The following TBCD variants were observed in gnomAD, a reference collection of about 807,000 sequenced individuals.
TBCD encodes tubulin folding cofactor D.
A neutral mutation model predicts 169.3 loss-of-function variants in TBCD; 105 were observed. The ratio of observed to expected loss-of-function variants is 0.62; its 90% CI spans 0.53 to 0.73. TBCD has a LOEUF of 0.73. Ranked by LOEUF, TBCD falls within the 30% of genes least tolerant of loss-of-function variation. The probability of loss-of-function intolerance (pLI) is 0.00; values close to 1 mark genes in which losing one functional copy is unlikely to be tolerated. For synonymous variants in TBCD, 700 were observed against 643.9 expected, an observed-to-expected ratio of 1.09 and a Z score of -1.32; for missense variants, 1,444 against 1,600.1, an observed-to-expected ratio of 0.90 and a Z score of 1.66.
intron 33 of TBCD, among the ~76,000 whole-genome samples, chr17:82,932,377 T>G (rs1030837061): frequency 6.6e-6 from 1 of 152,224 alleles, no homozygotes; most frequent in Non-Finnish European, 1.5e-5. Flanking sequence ...TGGGTTTACT[T>G]TGGACTCTCC....
chr17:82,781,555 C>A, intron 6 of TBCD, 34 bp from the exon 7 acceptor site: 1 of 1,611,652 alleles, frequency 6.2e-7, no homozygotes. Flanking sequence ...GGTCTCAGTG[C>A]TGAGGCCTTG....
chr17:82,756,331 C>A, intron 2 of TBCD, 116 bp downstream of exon 2: 1 of 1,098,632 alleles, frequency 9.1e-7, no homozygotes, highest in Non-Finnish European at 1.3e-6. Context: ...AGAAGTGTCC[C>A]TGTCTTGCTT....
chr17:82,787,699 G>A (rs537158749), intron 7 of TBCD, among the ~76,000 whole-genome samples: 5 of 152,352 alleles, frequency 3.3e-5, no homozygotes, highest in East Asian at 3.9e-4. Flanking sequence ...TACTGTGGGC[G>A]AAACAGGTGA....
Position 82,945,606 on chromosome 17 carries a change from T to C in TBCD, c.*3143T>C, listed in dbSNP as rs2063645226. 1 of 152,248 alleles carries C rather than the reference T, an allele frequency of 6.6e-6. No homozygotes were observed. Among genetic ancestry groups the C allele is most frequent in the African/African-American group, 2.4e-5 (1 of 41,466 alleles). The allele number at this position is 152,248 out of a possible 1,614,324, so 9.4% of individuals were successfully genotyped here. A position where few individuals can be genotyped will look rare whatever the true frequency, so the allele number is the denominator to read the frequency against. On this transcript the variant is annotated 3_prime_UTR_variant, in exon 39 of 39. Transcript: ENST00000355528. The stretch of plus-strand genomic sequence containing the variant: ...AAATTAAGTCATTTAGATAAAAATA[T>C]GCCATTCTTATCTGTTTGGTTTTTT...
intron 23 of TBCD, among the ~76,000 whole-genome samples, chr17:82,919,391 CCA>C (rs1227918751): frequency 6.6e-6 from 1 of 152,040 alleles, no homozygotes; most frequent in Non-Finnish European, 1.5e-5. Flanking sequence ...GAAGAATAGA[CCA>C]TGTGTAGGTT....
At chr17:82,838,817 C>G (rs544716967) in intron 13 of TBCD, 3 of 985,250 alleles carry the variant, frequency 3.0e-6, no homozygotes, top group Admixed American at 6.2e-5. Context: ...CAGGAGATCC[C>G]GAGTTACAGA....
intron 18 of TBCD, among the ~76,000 whole-genome samples, chr17:82,902,401 G>A (rs1018354929): frequency 2.3e-4 from 35 of 152,242 alleles, no homozygotes; most frequent in African/African-American, 7.5e-4. Context: ...CTGGGCTTGC[G>A]GCTGCAGACT....
At chr17:82,840,614 CCCGACACCAGGCACCGCAAGAG>C (rs1280258569) in intron 13 of TBCD, 1 of 152,270 alleles carries the variant, frequency 6.6e-6, no homozygotes, top group African/African-American at 2.4e-5. Context: ...CCGGAGCTTG[CCCGACACCAGGCACCGCAAGAG>C]CTGCGGAGCA....
chr17:82,865,482 G>C (rs968597057), intron 13 of TBCD: 27 of 985,350 alleles, frequency 2.7e-5, no homozygotes, highest in Non-Finnish European at 3.3e-5. Flanking sequence ...CTATGTGGGA[G>C]GTGCCCACGT....
chr17:82,877,717 A>C lies in TBCD; in HGVS notation c.1476-6428A>C, dbSNP rs559376169. On this transcript the variant is annotated intron_variant, in intron 14 of 38. Coordinates refer to ENST00000355528, the MANE Select transcript of TBCD (RefSeq NM_005993.5). The stretch of plus-strand genomic sequence containing the variant: ...GTTTAATGATTTCTAAGATATCATT[A>C]ACAAAAGCCATTATGATGTATTGAA... Among the ~76,000 whole-genome samples, 9 of 152,364 alleles carry C rather than the reference A, an allele frequency of 5.9e-5. No individual in the cohort carries two copies. In the South Asian group the frequency reaches 1.9e-3, roughly 32 times the overall value.
chr17:82,906,025 T>C lies in TBCD; in HGVS notation c.1894T>C (p.Leu632=). 1.2e-6 allele frequency: 2 copies of C among 1,610,166 alleles called. No individual in the cohort carries two copies. The highest frequency in any genetic ancestry group is 8.5e-7 in the Non-Finnish European group (1 of 1,178,240). The change falls in exon 20 of 39, where the codon TTG becomes CTG. Residue 632 remains leucine, a synonymous_variant. Transcript: ENST00000355528. Reference sequence around the variant, plus strand: ...CGCCTGCGCAGAAGTTGCTTACGCCTTGTACAAACTTGCAGCCCAAGAGAA... The same window carrying C: ...CGCCTGCGCAGAAGTTGCTTACGCCCTGTACAAACTTGCAGCCCAAGAGAA... The part of the protein sequence containing the change: ...ILACAEVAYA[L]YKLAAQENRP...
intron 14 of TBCD, among the ~76,000 whole-genome samples, chr17:82,877,623 A>C (rs2058061883): frequency 6.6e-6 from 1 of 152,226 alleles, no homozygotes; most frequent in African/African-American, 2.4e-5. Context: ...TACAGGCGTG[A>C]GCCACTGCGC....
intron 2 of TBCD, among the ~76,000 whole-genome samples, chr17:82,759,085 G>A (rs2047609990): frequency 6.6e-6 from 1 of 152,176 alleles, no homozygotes. Context: ...CGCAGTCATA[G>A]CTCACTGCAG....
At chr17:82,849,861 C>T (rs1456813757) in intron 13 of TBCD, among the ~76,000 whole-genome samples, 2 of 152,218 alleles carry the variant, frequency 1.3e-5, no homozygotes, top group Non-Finnish European at 2.9e-5. Flanking sequence ...AGCCCCCGTG[C>T]GCGGCAGCTC....
At chr17:82,897,410 C>T (rs902168424) in intron 17 of TBCD, among the ~76,000 whole-genome samples, 7 of 150,620 alleles carry the variant, frequency 4.6e-5, no homozygotes, top group Non-Finnish European at 8.8e-5. Flanking sequence ...CCCAGCTACT[C>T]GGGAGGCTGA....
chr17:82,934,141 G>T (rs954357407), intron 34 of TBCD, among the ~76,000 whole-genome samples: 1 of 152,224 alleles, frequency 6.6e-6, no homozygotes, highest in Non-Finnish European at 1.5e-5. Context: ...CCCCCAGGAA[G>T]CCCCCTCTGG....
chr17:82,903,062 C>T lies in TBCD; in HGVS notation c.1731-343C>T, dbSNP rs544380651. On this transcript the variant is annotated intron_variant, in intron 18 of 38. Transcript: ENST00000355528. This position sits in a 1 kb window ranked among gnomAD's most constrained non-coding sequence, Gnocchi z 4.8. ...ATTCCTTCTGTTCACCCCTTGTAAT[C>T]GTGGAGGGGTGGTTTCACGTGGCTC... Among the ~76,000 whole-genome samples, 2 of 152,232 alleles carry T rather than the reference C, an allele frequency of 1.3e-5. No homozygotes were observed. Among genetic ancestry groups the T allele is most frequent in the South Asian group, 2.1e-4 (1 of 4,822 alleles).
chr17:82,783,736 G>GTGTGGGTATTTTCCATATGCCAA (rs2049108393), intron 7 of TBCD, among the ~76,000 whole-genome samples: 1 of 152,044 alleles, frequency 6.6e-6, no homozygotes, highest in South Asian at 2.1e-4. Flanking sequence ...CCATATGCCA[G>GTGTGGGTATTTTCCATATGCCAA]CGTGTGGGTA....
rs780074516 is a variant in TBCD, at chr17:82,874,059, G to A, written c.1475+3679G>A. Among the ~76,000 whole-genome samples the A allele has an allele frequency of 1.3e-5, 2 of 152,214 alleles. No homozygotes were observed. Among genetic ancestry groups the A allele is most frequent in the Non-Finnish European group, 1.5e-5 (1 of 68,034 alleles). Reference sequence around the variant, plus strand: ...GCAGCTGCCACGTGTGGACCGGCACGGGCATGGTCGTGGTCTGCCCAGCTG... The same window carrying A: ...GCAGCTGCCACGTGTGGACCGGCACAGGCATGGTCGTGGTCTGCCCAGCTG... On this transcript the variant is annotated intron_variant, in intron 14 of 38. Coordinates refer to ENST00000355528, the MANE Select transcript of TBCD (RefSeq NM_005993.5). This position sits in a 1 kb window ranked among gnomAD's most constrained non-coding sequence, Gnocchi z 5.0.
Sources: allele counts gnomAD v4.1 joint callset (sites outside exome capture counted in the v4.1 genomes callset), GRCh38; gene constraint gnomAD v4.1.1; non-coding constraint Gnocchi (gnomAD v3.1); transcripts MANE v1.5; gene names NCBI Gene and HGNC (gene_info 2026-07-23, HGNC 2026-07-21).